The following AKAP9 variants were observed in gnomAD, a reference collection of about 807,000 sequenced individuals.
AKAP9 encodes A-kinase anchoring protein 9.
In AKAP9, 311 loss-of-function variants were observed where a neutral mutation model predicts 488.5. The observed-to-expected ratio is 0.64, with a 90% CI of 0.58 to 0.70. AKAP9 has a LOEUF of 0.70. Ranked by LOEUF, AKAP9 falls within the 30% of genes least tolerant of loss-of-function variation. The probability of loss-of-function intolerance (pLI) is 0.00; values close to 1 mark genes in which losing one functional copy is unlikely to be tolerated. For synonymous variants in AKAP9, 1,462 were observed against 1,483.5 expected (o/e 0.99, Z 0.33); for missense variants, 4,215 against 4,374.5 (o/e 0.96, Z 1.03).
chr7:92,075,087 A>G (rs1020253903), intron 28 of AKAP9, among the ~76,000 whole-genome samples: 8 of 111,060 alleles, frequency 7.2e-5, no homozygotes, highest in Non-Finnish European at 1.4e-4. Context: ...ATGAGTCAAA[A>G]ATTAAAAAAA....
chr7:92,059,814 G>C (rs1221289533), intron 22 of AKAP9, among the ~76,000 whole-genome samples: 3 of 151,648 alleles, frequency 2.0e-5, no homozygotes, highest in Non-Finnish European at 4.4e-5. Flanking sequence ...ATGTTTCTTT[G>C]TAATAAAAAT....
chr7:92,065,497 C>T (rs1369080167), intron 25 of AKAP9, 34 bp downstream of exon 25: 2 of 1,449,196 alleles, frequency 1.4e-6, no homozygotes, highest in African/African-American at 1.4e-5. Context: ...TGATTTTTCT[C>T]AGTGGAATGT....
At chr7:91,975,413 A>G (rs1453583222) in intron 2 of AKAP9, among the ~76,000 whole-genome samples, 1 of 152,194 alleles carries the variant, frequency 6.6e-6, no homozygotes, top group Non-Finnish European at 1.5e-5. Flanking sequence ...TTCATTATCC[A>G]TGTATACAAA....
intron 28 of AKAP9, among the ~76,000 whole-genome samples, chr7:92,074,865 G>A (rs1438167963): frequency 2.0e-5 from 3 of 152,082 alleles, no homozygotes; most frequent in Admixed American, 6.6e-5. Context: ...CCTTTTAGGG[G>A]GTGAGGGGTA....
intron 2 of AKAP9, among the ~76,000 whole-genome samples, chr7:91,977,218 C>G (rs1795808814): frequency 6.6e-6 from 1 of 151,916 alleles, no homozygotes; most frequent in Non-Finnish European, 1.5e-5. Context: ...TGTGATCACA[C>G]CAGTGCACTC....
chr7:92,032,191 T>C (rs900391466), intron 16 of AKAP9, among the ~76,000 whole-genome samples: 17 of 152,294 alleles, frequency 1.1e-4, no homozygotes, highest in African/African-American at 4.1e-4. Flanking sequence ...CGTGTATACC[T>C]GATTGGCTTT....
chr7:92,087,112 A>C (rs183870873), intron 37 of AKAP9, among the ~76,000 whole-genome samples: 1 of 152,352 alleles, frequency 6.6e-6, no homozygotes, highest in East Asian at 1.9e-4. Context: ...TGGACCATTT[A>C]AATTTTTTGC....
intron 1 of AKAP9, among the ~76,000 whole-genome samples, chr7:91,949,782 T>C (rs1407772950): frequency 1.3e-5 from 2 of 152,182 alleles, no homozygotes; most frequent in Non-Finnish European, 2.9e-5. Context: ...CTTAGGTTCT[T>C]TGTTTAAATT....
intron 31 of AKAP9, among the ~76,000 whole-genome samples, 192 bp from the exon 32 acceptor site, chr7:92,082,330 C>A (rs934156030): frequency 9.2e-5 from 14 of 152,122 alleles, no homozygotes; most frequent in African/African-American, 2.9e-4. Context: ...AGAAGAAAAT[C>A]ATTGTCTCAA....
intron 21 of AKAP9, among the ~76,000 whole-genome samples, 174 bp downstream of exon 21, chr7:92,045,387 G>A (rs1408717206): frequency 6.6e-6 from 1 of 152,164 alleles, no homozygotes; most frequent in Non-Finnish European, 1.5e-5. Flanking sequence ...TATAGCATTT[G>A]CAAGTGGGTA....
rs2130862263 is a variant in AKAP9 at position 92,079,760 on chromosome 7, C to G, written c.7627C>G (p.Leu2543Val). 3.1e-6 allele frequency: 5 copies of G among 1,613,980 alleles called. No individual in the cohort carries two copies. The highest frequency in any genetic ancestry group is 3.3e-4 in the Middle Eastern group (2 of 6,060). ...TEMLQKKIVN[L>V]QKIVEEKVAA... Reference sequence around the variant, plus strand: ...AATGCTTCAAAAGAAGATTGTAAACCTACAGAAAATAGTTGAAGAAAAAGT... The same window carrying G: ...AATGCTTCAAAAGAAGATTGTAAACGTACAGAAAATAGTTGAAGAAAAAGT... Residue 2543 changes from leucine (L) to valine (V), a missense_variant, in exon 31 of 50, where the codon CTA becomes GTA. Leu to Val is a conservative substitution (Grantham distance 32, BLOSUM62 1). Around this residue, in one of 5 missense-constraint regions of AKAP9, gnomAD observed 1,476 missense variants for 1,477.4 expected, o/e 1.00. Transcript: ENST00000356239.
chr7:92,080,543 A>C lies in AKAP9; in HGVS notation c.8019+391A>C, dbSNP rs539421584. 1.0e-3 allele frequency among the ~76,000 whole-genome samples: 159 copies of C among 152,060 alleles called. 1 individual carries two copies. Among genetic ancestry groups the C allele is most frequent in the African/African-American group, 3.6e-3 (149 of 41,480 alleles). ...AACCCGGGAGGCAGAGCTTGCAGTG[A>C]GCCAAGATCGCGCCACTGCACACTC... is the stretch of plus-strand genomic sequence containing the variant. On this transcript the variant is annotated intron_variant, in intron 31 of 49. Coordinates refer to ENST00000356239, the MANE Select transcript of AKAP9 (RefSeq NM_005751.5).
rs375616293 is a variant in AKAP9, at chr7:92,095,481, G to A, written c.9729+308G>A. ...ATGGCAATCCTGTCAGTTTAATACA[G>A]AGGTAGTTTTGGTTCCTGTTTTCTC... On this transcript the variant is annotated intron_variant, in intron 40 of 49. Coordinates refer to ENST00000356239, the MANE Select transcript of AKAP9 (RefSeq NM_005751.5). Among the ~76,000 whole-genome samples the A allele has an allele frequency of 2.6e-5, 4 of 152,284 alleles. 1 individual carries two copies.
rs183362939 is a variant in AKAP9, at chr7:92,109,923, C to T, written c.11687-199C>T. On this transcript the variant is annotated intron_variant, in intron 49 of 49. Transcript: ENST00000356239. ...CCAAGATCACACCACTGAATTCCAG[C>T]CTGGGCAACAGAGTAACACTCCACC... 1.3e-3 allele frequency among the ~76,000 whole-genome samples: 192 copies of T among 152,164 alleles called. 2 individuals carry two copies. The South Asian group carries it at 0.031, about 25-fold the overall frequency.
Position 92,079,698 on chromosome 7 carries a change from T to G in AKAP9, c.7565T>G (p.Ile2522Arg), listed in dbSNP as rs537613965. The stretch of plus-strand genomic sequence containing the variant: ...GAACTTACCCAGTGTTATAAACAAA[T>G]AAAAGACATGCAAGAACAAGGCCAG... Reference protein sequence around the residue: ...DLELTQCYKQIKDMQEQGQFE... With the variant: ...DLELTQCYKQRKDMQEQGQFE... The change falls in exon 31 of 50, where the codon ATA (isoleucine) becomes AGA (arginine). Residue 2522 changes from isoleucine to arginine, a missense_variant. Around this residue, in one of 5 missense-constraint regions of AKAP9, gnomAD observed 1,476 missense variants for 1,477.4 expected, o/e 1.00. Transcript: ENST00000356239. The G allele has an allele frequency of 1.2e-5, 20 of 1,614,028 alleles. No individual in the cohort carries two copies. In the African/African-American group the frequency reaches 2.3e-4, roughly 18 times the overall value.
At chr7:92,089,735 A>G (rs1815225045) in intron 38 of AKAP9, 1 of 519,036 alleles carries the variant, frequency 1.9e-6, no homozygotes, top group Non-Finnish European at 3.5e-6. Flanking sequence ...TGACTTTAAA[A>G]TAAACTGCCA....
intron 20 of AKAP9, 199 bp downstream of exon 20, chr7:92,042,970 A>T (rs979830468): frequency 2.9e-5 from 11 of 379,542 alleles, no homozygotes; most frequent in South Asian, 1.3e-4. Flanking sequence ...ATAACATTTT[A>T]AAAAAATCTT....
At chr7:91,994,921 T>C in intron 6 of AKAP9, 145 bp downstream of exon 6, 1 of 693,702 alleles carries the variant, frequency 1.4e-6, no homozygotes, top group Non-Finnish European at 2.4e-6. Flanking sequence ...TGTTGCTATA[T>C]TAACCAGGAA....
chr7:92,083,285 A>G lies in AKAP9; in HGVS notation c.8276A>G (p.Gln2759Arg), dbSNP rs963879028. 8 of 1,614,056 alleles carry G rather than the reference A, an allele frequency of 5.0e-6. No homozygotes were observed. Among genetic ancestry groups the G allele is most frequent in the Non-Finnish European group, 6.8e-6 (8 of 1,180,032 alleles). The stretch of plus-strand genomic sequence containing the variant: ...GAAAAAGAAGATGAGACTGAGGTAC[A>G]AGAAAGCAAAAAGGCCTGCATGTTT... The part of the protein sequence containing the change: ...ILEKEDETEV[Q>R]ESKKACMFEP... The change falls in exon 33 of 50, where the codon CAA (glutamine) becomes CGA (arginine). Residue 2759 changes from glutamine to arginine, a missense_variant. Gln to Arg is a conservative substitution (Grantham distance 43). Around this residue, in one of 5 missense-constraint regions of AKAP9, gnomAD observed 1,476 missense variants for 1,477.4 expected, o/e 1.00. Transcript: ENST00000356239.
Sources: gnomAD v4.1 joint callset for allele counts (sites outside exome capture counted in the v4.1 genomes callset) on GRCh38, gnomAD v4.1.1 for gene constraint, gnomAD v4.1.1 regional missense constraint, MANE v1.5 for transcripts, NCBI Gene and HGNC (gene_info 2026-07-23, HGNC 2026-07-21) for gene names.